The following CTNNA2 variants were observed in gnomAD, a reference collection of about 807,000 sequenced individuals.
CTNNA2 encodes catenin alpha-2.
In CTNNA2, 42 loss-of-function variants were observed where a neutral mutation model predicts 101.0. That is an observed-to-expected ratio of 0.42 (90% CI 0.32 to 0.54). CTNNA2 has a LOEUF of 0.54. Among genes scored for constraint, CTNNA2 ranks in the 20% least tolerant of loss-of-function variants. The probability of loss-of-function intolerance (pLI) is 0.14; values close to 1 mark genes in which losing one functional copy is unlikely to be tolerated. For synonymous variants in CTNNA2, 450 were observed against 456.4 expected (o/e 0.99, Z 0.18); for missense variants, 871 against 1,223.1 (o/e 0.71, Z 4.29).
intron 7 of CTNNA2, among the ~76,000 whole-genome samples, chr2:80,350,606 A>G (rs541277666): frequency 2.3e-4 from 35 of 152,320 alleles, no homozygotes; most frequent in African/African-American, 8.2e-4. Flanking sequence ...CTAAGAGTCC[A>G]TACCTTGTAG....
In CTNNA2 at chr2:80,302,638, G is replaced by C. The variant is rs1361198566; in HGVS notation, c.1057-90573G>C. 1 of 1,607,496 alleles carries C rather than the reference G, an allele frequency of 6.2e-7. No individual in the cohort carries two copies. Among genetic ancestry groups the C allele is most frequent in the East Asian group, 2.2e-5 (1 of 44,796 alleles). ...CGTGCTGCCCCTCCCCGCCGTCCGC[G>C]AGCGTGGTGGCCGAGCTGGCAGGGG... On this transcript the variant is annotated intron_variant, in intron 7 of 18. Coordinates refer to ENST00000402739, the MANE Select transcript of CTNNA2 (RefSeq NM_001282597.3). This position sits in a 1 kb window ranked among gnomAD's most constrained non-coding sequence, Gnocchi z 6.4.
At chr2:79,297,978 C>T (rs1327099753) in intron 2 of CTNNA2, among the ~76,000 whole-genome samples, 2 of 152,182 alleles carry the variant, frequency 1.3e-5, no homozygotes, top group South Asian at 2.1e-4. Flanking sequence ...AATTGGTTCT[C>T]CAGAGTTTAG....
chr2:80,080,638 C>T (rs563098166), intron 7 of CTNNA2, among the ~76,000 whole-genome samples: 13 of 152,166 alleles, frequency 8.5e-5, no homozygotes, highest in African/African-American at 2.9e-4. Context: ...AACTGTGTTG[C>T]GAGCCTGTGT....
intron 18 of CTNNA2, among the ~76,000 whole-genome samples, chr2:80,640,872 G>T (rs1487379568): frequency 7.1e-6 from 1 of 140,782 alleles, no homozygotes; most frequent in Non-Finnish European, 1.6e-5. Context: ...TTTCCTTGAG[G>T]TGTTTGCTTT....
At chr2:79,715,205 CAAAAAAAAAAAA>C (rs140432724) in intron 2 of CTNNA2, among the ~76,000 whole-genome samples, 1 of 66,336 alleles carries the variant, frequency 1.5e-5, no homozygotes, top group African/African-American at 6.6e-5. Context: ...AAAATTCCGT[CAAAAAAAAAAAA>C]AAAAAAAAAA....
intron 7 of CTNNA2, among the ~76,000 whole-genome samples, chr2:80,361,099 C>T (rs1674361195): frequency 1.3e-5 from 2 of 151,886 alleles, no homozygotes; most frequent in Admixed American, 6.6e-5. Context: ...TTTTGTTCTC[C>T]CATTAAGAGC....
chr2:79,630,455 T>A (rs527377996), intron 1 of CTNNA2, among the ~76,000 whole-genome samples: 49 of 152,258 alleles, frequency 3.2e-4, no homozygotes, highest in African/African-American at 1.0e-3. Flanking sequence ...GAAACACACA[T>A]TGACATTGAA....
chr2:80,195,796 A>G (rs1037885635), intron 7 of CTNNA2, among the ~76,000 whole-genome samples: 1 of 152,142 alleles, frequency 6.6e-6, no homozygotes, highest in Non-Finnish European at 1.5e-5. Flanking sequence ...TTGATATTGC[A>G]TATGCCAGAT....
At chr2:80,221,447 C>T (rs1197702826) in intron 7 of CTNNA2, among the ~76,000 whole-genome samples, 1 of 152,140 alleles carries the variant, frequency 6.6e-6, no homozygotes, top group East Asian at 1.9e-4. Context: ...CCCACCCTGC[C>T]CAAGTTAGGG....
intron 3 of CTNNA2, among the ~76,000 whole-genome samples, chr2:79,750,179 C>T (rs891247536): frequency 2.6e-5 from 4 of 152,158 alleles, no homozygotes; most frequent in Admixed American, 6.5e-5. Context: ...AAGCTTAAAT[C>T]GGGGAATTCC....
intron 4 of CTNNA2, among the ~76,000 whole-genome samples, chr2:79,439,786 CT>C (rs1250272349): frequency 1.3e-5 from 2 of 152,050 alleles, no homozygotes; most frequent in African/African-American, 4.8e-5. Context: ...AATTTTCTGA[CT>C]GCACCCCAGA....
At chr2:79,262,103 A>C (rs1210727910) in intron 2 of CTNNA2, among the ~76,000 whole-genome samples, 1 of 152,168 alleles carries the variant, frequency 6.6e-6, no homozygotes. Flanking sequence ...TCAAAGAGAA[A>C]TCACACTGCC....
chr2:79,499,441 C>T lies in CTNNA2; in HGVS notation c.-134-5613C>T, dbSNP rs543881212. On this transcript the variant is annotated intron_variant, in intron 4 of 21. Coordinates refer to the CTNNA2 transcript ENST00000466387. Reference sequence around the variant, plus strand: ...TCACTTCTCCATATAGCAGTCACAGCGATCTGTTGAAAATTAAAATTAGAT... The same window carrying T: ...TCACTTCTCCATATAGCAGTCACAGTGATCTGTTGAAAATTAAAATTAGAT... Among the ~76,000 whole-genome samples, 17 of 152,230 alleles carry T rather than the reference C, an allele frequency of 1.1e-4. No individual in the cohort carries two copies. The South Asian group carries it at 2.5e-3, about 22-fold the overall frequency.
At chr2:80,634,397 G>A (rs1672637338) in intron 18 of CTNNA2, among the ~76,000 whole-genome samples, 1 of 152,064 alleles carries the variant, frequency 6.6e-6, no homozygotes, top group Non-Finnish European at 1.5e-5. Flanking sequence ...CTAGGCAGAA[G>A]AAATAGTAAG....
intron 7 of CTNNA2, among the ~76,000 whole-genome samples, chr2:80,362,722 T>C (rs1026441424): frequency 6.6e-6 from 1 of 152,112 alleles, no homozygotes; most frequent in African/African-American, 2.4e-5. Context: ...GAGTTGAACA[T>C]TTACTCTCTC....
intron 4 of CTNNA2, chr2:79,498,975 G>C (rs1671288405): frequency 6.6e-6 from 1 of 152,172 alleles, no homozygotes; most frequent in Admixed American, 6.5e-5. Flanking sequence ...TATCTATACT[G>C]TAGACCTCAG....
chr2:80,331,603 C>G (rs538264020), intron 7 of CTNNA2, among the ~76,000 whole-genome samples: 99 of 152,214 alleles, frequency 6.5e-4, no homozygotes, highest in Admixed American at 1.1e-3. Context: ...ATGCTCACAT[C>G]CTCTCTCCCT....
chr2:80,182,002 G>C (rs1705816598), intron 7 of CTNNA2, among the ~76,000 whole-genome samples: 1 of 152,112 alleles, frequency 6.6e-6, no homozygotes, highest in African/African-American at 2.4e-5. Context: ...GTTAGTCTGG[G>C]TTCTCTAGAG....
At chr2:80,260,036 C>A (rs1672482611) in intron 7 of CTNNA2, among the ~76,000 whole-genome samples, 1 of 152,178 alleles carries the variant, frequency 6.6e-6, no homozygotes, top group South Asian at 2.1e-4. Flanking sequence ...CACTTTATCT[C>A]TTTTAATCGT....
Sources: allele counts gnomAD v4.1 joint callset (sites outside exome capture counted in the v4.1 genomes callset), GRCh38; gene constraint gnomAD v4.1.1; non-coding constraint Gnocchi (gnomAD v3.1); transcripts MANE v1.5; gene names NCBI Gene and HGNC (gene_info 2026-07-23, HGNC 2026-07-21).